MAPRE1: variants seen among roughly 807,000 people sequenced by gnomAD.
MAPRE1 encodes microtubule-associated protein RP/EB family member 1.
A neutral mutation model predicts 32.1 loss-of-function variants in MAPRE1; 5 were observed. The ratio of observed to expected loss-of-function variants is 0.16; its 90% CI spans 0.08 to 0.33. The LOEUF (loss-of-function observed/expected upper bound fraction) is 0.33. Ranked by LOEUF, MAPRE1 falls within the 10% of genes least tolerant of loss-of-function variation. MAPRE1 has a pLI of 1.00. For missense variants in MAPRE1, 209 were observed against 327.2 expected (o/e 0.64, Z 2.79); for synonymous variants, 122 against 118.9 (o/e 1.03, Z -0.17).
intron 2 of MAPRE1, among the ~76,000 whole-genome samples, chr20:32,829,334 G>C (rs1982955290): frequency 1.3e-5 from 2 of 152,216 alleles, no homozygotes; most frequent in African/African-American, 4.8e-5. Context: ...TTCATAACTA[G>C]TCTTCTTGAA....
chr20:32,842,192 T>G (rs1983384054), intron 5 of MAPRE1, among the ~76,000 whole-genome samples: 1 of 152,150 alleles, frequency 6.6e-6, no homozygotes, highest in Admixed American at 6.5e-5. Flanking sequence ...TTCACGCCAT[T>G]CTCCTGCTTC....
chr20:32,833,655 G>A, intron 2 of MAPRE1, 62 bp from the exon 3 acceptor site: 1 of 1,495,988 alleles, frequency 6.7e-7, no homozygotes, highest in Non-Finnish European at 9.2e-7. Flanking sequence ...GTTTAAGTGG[G>A]TCTGGGAAGA....
At position 32,835,364 on chromosome 20, in the gene MAPRE1, G is replaced by GTTT. The variant is rs71190879; in HGVS notation, c.268-1256_268-1254dup. Among the ~76,000 whole-genome samples, 16 of 106,658 alleles carry GTTT rather than the reference G, an allele frequency of 1.5e-4. 2 individuals carry two copies. Among genetic ancestry groups the GTTT allele is most frequent in the East Asian group, 6.2e-4 (2 of 3,218 alleles). 70.0% of individuals were successfully genotyped at this position (106,658 alleles called of 152,430 possible). A position where few individuals can be genotyped will look rare whatever the true frequency, so the allele number is the denominator to read the frequency against. On this transcript the variant is annotated intron_variant, in intron 3 of 6. Transcript: ENST00000375571. ...TTTTTGTGTGTGTGTTTTTATTGGT[G>GTTT]TTTTTTTTTTTTTTTTGAGATGAGG...
chr20:32,849,032 A>G lies in MAPRE1; in HGVS notation c.*304A>G, dbSNP rs1983580693. ...CTGAATGCTGGAGAGATGTTATGTA[A>G]TATGCTGAGGTGGCGACCTCAGTGG... On this transcript the variant is annotated 3_prime_UTR_variant, in exon 7 of 7. Transcript: ENST00000375571. 1 of 237,938 alleles carries G rather than the reference A, an allele frequency of 4.2e-6. No individual in the cohort carries two copies. The highest frequency in any genetic ancestry group is 1.5e-4 in the South Asian group (1 of 6,774). The allele number at this position is 237,938 out of a possible 1,614,324, so 14.7% of individuals were successfully genotyped here. A position where few individuals can be genotyped will look rare whatever the true frequency, so the allele number is the denominator to read the frequency against.
At chr20:32,848,146 A>G (rs1486941722) in intron 6 of MAPRE1, among the ~76,000 whole-genome samples, 2 of 151,736 alleles carry the variant, frequency 1.3e-5, no homozygotes, top group African/African-American at 2.4e-5. Context: ...TCCTGGGTCA[A>G]GCAGTCCTGC....
intron 3 of MAPRE1, among the ~76,000 whole-genome samples, chr20:32,835,798 G>A (rs1053181012): frequency 6.6e-6 from 1 of 151,824 alleles, no homozygotes; most frequent in Non-Finnish European, 1.5e-5. Flanking sequence ...TAGAGACAGG[G>A]TTTCACCATA....
intron 3 of MAPRE1, 55 bp from the exon 4 acceptor site, chr20:32,836,579 T>C (rs1407489925): frequency 3.2e-5 from 33 of 1,044,620 alleles, no homozygotes; most frequent in Admixed American, 1.4e-4. Context: ...ATGGACTAGT[T>C]TGATGCTTGC....
chr20:32,845,045 A>T (rs1416728548), intron 5 of MAPRE1, among the ~76,000 whole-genome samples: 2 of 152,058 alleles, frequency 1.3e-5, no homozygotes, highest in Non-Finnish European at 2.9e-5. Context: ...GAATGAATGA[A>T]TGAATGATTG....
intron 2 of MAPRE1, among the ~76,000 whole-genome samples, chr20:32,827,906 A>AG (rs1228667049): frequency 2.6e-5 from 4 of 151,424 alleles, no homozygotes; most frequent in Non-Finnish European, 5.9e-5. Context: ...AAAAAAAAAA[A>AG]AATTTATTGC....
At chr20:32,848,643 G>A in intron 6 of MAPRE1, 29 bp from the exon 7 acceptor site, 2 of 1,586,496 alleles carry the variant, frequency 1.3e-6, no homozygotes, top group South Asian at 2.2e-5. Context: ...ATCTTTCAGT[G>A]GCTTTCCCCT....
At chr20:32,821,895 G>GT (rs1982713755) in intron 1 of MAPRE1, among the ~76,000 whole-genome samples, 1 of 152,292 alleles carries the variant, frequency 6.6e-6, no homozygotes, top group African/African-American at 2.4e-5. Flanking sequence ...AGGAAGCCTT[G>GT]TAAGGGTGAG....
At chr20:32,824,468 A>G (rs1049038086) in intron 1 of MAPRE1, among the ~76,000 whole-genome samples, 2 of 152,256 alleles carry the variant, frequency 1.3e-5, no homozygotes, top group African/African-American at 4.8e-5. Context: ...AATGAGGGAC[A>G]TGAAGTGAAC....
intron 6 of MAPRE1, 89 bp from the exon 7 acceptor site, chr20:32,848,583 G>A: frequency 3.1e-6 from 3 of 977,300 alleles, no homozygotes; most frequent in Non-Finnish European, 4.7e-6. Context: ...AAGAACCATT[G>A]TTTTTAAGAG....
intron 2 of MAPRE1, among the ~76,000 whole-genome samples, chr20:32,828,883 A>G (rs1025799811): frequency 4.6e-5 from 7 of 152,164 alleles, no homozygotes; most frequent in African/African-American, 1.7e-4. Flanking sequence ...TGTAAATTAC[A>G]TATAGTTAAT....
intron 2 of MAPRE1, among the ~76,000 whole-genome samples, chr20:32,831,115 A>G (rs962031510): frequency 1.3e-5 from 2 of 151,812 alleles, no homozygotes; most frequent in Non-Finnish European, 2.9e-5. Flanking sequence ...TAGGAAGCTC[A>G]TTTTCTTCTG....
intron 2 of MAPRE1, among the ~76,000 whole-genome samples, chr20:32,828,219 C>T (rs1982921810): frequency 6.6e-6 from 1 of 152,124 alleles, no homozygotes; most frequent in South Asian, 2.1e-4. Context: ...TTAGTTTCCT[C>T]ATTATTCATT....
intron 2 of MAPRE1, among the ~76,000 whole-genome samples, chr20:32,826,605 C>T (rs1213928282): frequency 7.1e-6 from 1 of 140,848 alleles, no homozygotes; most frequent in African/African-American, 2.7e-5. Flanking sequence ...TGGCTCACTG[C>T]AACCTTCGCC....
chr20:32,848,755 G>C lies in MAPRE1; in HGVS notation c.*27G>C, dbSNP rs1453938658. On this transcript the variant is annotated 3_prime_UTR_variant, in exon 7 of 7. Coordinates refer to ENST00000375571, the MANE Select transcript of MAPRE1 (RefSeq NM_012325.3). The stretch of plus-strand genomic sequence containing the variant: ...AGCCTGGACCAGCAGAGCAACATCG[G>C]AATTCTTCACTCCAAATCATGTGCT... 1 of 1,593,552 alleles carries C rather than the reference G, an allele frequency of 6.3e-7. No individual in the cohort carries two copies. The highest frequency in any genetic ancestry group is 1.1e-5 in the South Asian group (1 of 89,540).
chr20:32,844,111 C>T (rs1001153780), intron 5 of MAPRE1, among the ~76,000 whole-genome samples: 3 of 152,160 alleles, frequency 2.0e-5, no homozygotes, highest in Admixed American at 6.6e-5. Context: ...GTCTTGGCCT[C>T]CCAAGGTGCT....
Sources: allele counts gnomAD v4.1 joint callset (sites outside exome capture counted in the v4.1 genomes callset), GRCh38; gene constraint gnomAD v4.1.1; transcripts MANE v1.5; gene names NCBI Gene and HGNC (gene_info 2026-07-23, HGNC 2026-07-21).